Variants in ANO2 observed in about 807,000 individuals in gnomAD.
ANO2 encodes the protein anoctamin 2.
ANO2 carries 101 observed loss-of-function variants against 124.2 expected under a neutral mutation model. The ratio of observed to expected loss-of-function variants is 0.81; its 90% CI spans 0.69 to 0.96. The LOEUF is 0.96. Ranked by LOEUF, ANO2 falls within the 40% of genes least tolerant of loss-of-function variation. The pLI is 0.00. For synonymous variants in ANO2, 486 were observed against 482.5 expected (o/e 1.01, Z -0.09); for missense variants, 1,293 against 1,274.5 (o/e 1.01, Z -0.22).
At chr12:5,680,696 T>A (rs11063814) in intron 14 of ANO2, among the ~76,000 whole-genome samples, 19,303 of 152,134 alleles carry the variant, frequency 0.13, 1,293 homozygotes, top group East Asian at 0.22. Flanking sequence ...CAGAAATATG[T>A]AGAAACATTA....
intron 3 of ANO2, among the ~76,000 whole-genome samples, chr12:5,917,141 G>C (rs147656114): frequency 7.8e-4 from 118 of 152,190 alleles, no homozygotes; most frequent in African/African-American, 2.4e-3. Context: ...TCTAACACTG[G>C]TCAGTCGCAA....
rs113264623 is a variant in ANO2 at position 5,652,200 on chromosome 12, A to T, written c.1546-4399T>A. On this transcript the variant is annotated intron_variant, in intron 14 of 24. Coordinates refer to ENST00000682330, the MANE Select transcript of ANO2 (RefSeq NM_001364791.2). ...GACAATTTCCCAAAGTGGGTGTACCATTTTGAATTTCCATTAATAAGATAT... is the reference window on the plus strand; with the variant it reads ...GACAATTTCCCAAAGTGGGTGTACCTTTTTGAATTTCCATTAATAAGATAT... 8.8e-3 allele frequency among the ~76,000 whole-genome samples: 1,346 copies of T among 152,326 alleles called. 16 individuals are homozygous for T. Among genetic ancestry groups the T allele is most frequent in the African/African-American group, 0.031 (1,284 of 41,574 alleles).
intron 19 of ANO2, among the ~76,000 whole-genome samples, chr12:5,607,546 G>A (rs1261403593): frequency 6.6e-6 from 1 of 152,044 alleles, no homozygotes; most frequent in Non-Finnish European, 1.5e-5. Flanking sequence ...CCCAATCCCT[G>A]GGCCACAGAC....
At chr12:5,576,141 C>T (rs1942395376) in intron 22 of ANO2, 126 bp from the exon 23 acceptor site, 1 of 968,800 alleles carries the variant, frequency 1.0e-6, no homozygotes, top group Non-Finnish European at 1.4e-6. Flanking sequence ...ATGATCAGGT[C>T]CCTGAGCTCA....
chr12:5,867,826 C>T (rs1955471990), intron 3 of ANO2, among the ~76,000 whole-genome samples: 1 of 144,204 alleles, frequency 6.9e-6, no homozygotes, highest in East Asian at 2.0e-4. Context: ...ACTTCGTGAG[C>T]TTCCAAAAAT....
At chr12:5,776,685 G>T (rs117029494) in intron 10 of ANO2, among the ~76,000 whole-genome samples, 1 of 152,158 alleles carries the variant, frequency 6.6e-6, no homozygotes, top group African/African-American at 2.4e-5. Context: ...GCCTGGACTC[G>T]GCCATGAGCT....
At chr12:5,569,361 C>T (rs1405763759) in intron 23 of ANO2, among the ~76,000 whole-genome samples, 1 of 152,182 alleles carries the variant, frequency 6.6e-6, no homozygotes, top group Non-Finnish European at 1.5e-5. Context: ...CCAGCCGTGC[C>T]CCCAAAGAGA....
intron 1 of ANO2, among the ~76,000 whole-genome samples, chr12:5,941,350 G>C (rs1942887648): frequency 6.6e-6 from 1 of 152,156 alleles, no homozygotes; most frequent in Admixed American, 6.6e-5. Flanking sequence ...GGGATTAACA[G>C]CAAACTGGAG....
intron 3 of ANO2, among the ~76,000 whole-genome samples, chr12:5,911,091 G>A (rs750318936): frequency 3.3e-5 from 5 of 152,106 alleles, no homozygotes; most frequent in East Asian, 1.9e-4. Context: ...TCAGACCATC[G>A]GTCACTCTCC....
At chr12:5,570,847 A>G (rs542695709) in intron 23 of ANO2, among the ~76,000 whole-genome samples, 1 of 152,212 alleles carries the variant, frequency 6.6e-6, no homozygotes, top group African/African-American at 2.4e-5. Flanking sequence ...GCTACTTAAA[A>G]CTGCCTCCTG....
chr12:5,866,473 A>G (rs1171209825), intron 3 of ANO2, among the ~76,000 whole-genome samples: 1 of 152,240 alleles, frequency 6.6e-6, no homozygotes, highest in Non-Finnish European at 1.5e-5. Flanking sequence ...TGTTCTGCCA[A>G]TATGAACAAG....
intron 1 of ANO2, among the ~76,000 whole-genome samples, chr12:5,929,952 T>C (rs1345745739): frequency 6.8e-6 from 1 of 147,844 alleles, no homozygotes; most frequent in Non-Finnish European, 1.5e-5. Flanking sequence ...CTTCTTTCCT[T>C]ATTAGTCACT....
At chr12:5,644,748 C>T (rs975663162) in intron 15 of ANO2, among the ~76,000 whole-genome samples, 12 of 152,140 alleles carry the variant, frequency 7.9e-5, no homozygotes, top group Non-Finnish European at 1.6e-4. Flanking sequence ...ATGAGAGATT[C>T]GGTTGATAGC....
At chr12:5,806,003 C>T (rs1436898008) in intron 9 of ANO2, 49 bp downstream of exon 9, 4 of 1,588,790 alleles carry the variant, frequency 2.5e-6, no homozygotes, top group Admixed American at 1.7e-5. Context: ...CACACCCACC[C>T]GTAGTCTCGC....
chr12:5,768,064 T>G lies in ANO2; in HGVS notation c.1056-17094A>C, dbSNP rs111682811. On this transcript the variant is annotated intron_variant, in intron 10 of 24. Coordinates refer to ENST00000682330, the MANE Select transcript of ANO2 (RefSeq NM_001364791.2). ...CCTTCCTGACCTACTATCTGGGCAG[T>G]GCCAAGGCACCCTAACATCGTGCCA... is the stretch of plus-strand genomic sequence containing the variant. Among the ~76,000 whole-genome samples the G allele has an allele frequency of 7.4e-3, 1,122 of 152,264 alleles. 15 individuals are homozygous for G. Among genetic ancestry groups the G allele is most frequent in the African/African-American group, 0.026 (1,065 of 41,562 alleles).
intron 4 of ANO2, among the ~76,000 whole-genome samples, chr12:5,833,251 T>C (rs1488344722): frequency 1.3e-5 from 2 of 152,248 alleles, no homozygotes; most frequent in Non-Finnish European, 2.9e-5. Flanking sequence ...ACCAAGGTAA[T>C]TGTTAATATT....
At chr12:5,789,067 G>A (rs930255026) in intron 10 of ANO2, among the ~76,000 whole-genome samples, 4 of 152,196 alleles carry the variant, frequency 2.6e-5, no homozygotes, top group Admixed American at 6.5e-5. Flanking sequence ...TTTTCTAAAA[G>A]GGATGTGATC....
chr12:5,827,275 A>C (rs1180015007), intron 7 of ANO2, among the ~76,000 whole-genome samples: 1 of 152,164 alleles, frequency 6.6e-6, no homozygotes, highest in Non-Finnish European at 1.5e-5. Flanking sequence ...ATATGGTGAG[A>C]AGAATGCTGA....
chr12:5,625,871 A>G (rs1309533647), intron 16 of ANO2, among the ~76,000 whole-genome samples: 1 of 152,182 alleles, frequency 6.6e-6, no homozygotes, highest in Non-Finnish European at 1.5e-5. Flanking sequence ...TCTGTCTAAG[A>G]GTCCCCAGAT....
Sources: gnomAD v4.1 joint callset for allele counts (sites outside exome capture counted in the v4.1 genomes callset) on GRCh38, gnomAD v4.1.1 for gene constraint, MANE v1.5 for transcripts, NCBI Gene and HGNC (gene_info 2026-07-23, HGNC 2026-07-21) for gene names.